GPHN: variants seen among roughly 807,000 people sequenced by gnomAD.
GPHN encodes gephyrin.
Under a neutral mutation model 95.5 loss-of-function variants are expected in GPHN, and 17 were observed. The ratio of observed to expected loss-of-function variants is 0.18; its 90% confidence interval spans 0.12 to 0.27. GPHN has a LOEUF of 0.27. Among genes scored for constraint, GPHN ranks in the 10% least tolerant of loss-of-function variants. GPHN has a pLI of 1.00. For missense variants in GPHN, 660 were observed against 978.1 expected (o/e 0.67, Z 4.34); for synonymous variants, 320 against 322.5 (o/e 0.99, Z 0.08).
the GPHN span, chr14:67,571,475 A>G: frequency 1.1e-5 from 4 of 367,676 alleles, no homozygotes; most frequent in Non-Finnish European, 2.0e-5. Flanking sequence ...CCCTAGTGGC[A>G]AGGAGCGAGG....
chr14:67,674,586 C>T, the GPHN span: 11 of 1,023,206 alleles, frequency 1.1e-5, no homozygotes, highest in Admixed American at 3.5e-5. Context: ...GCCATAACGG[C>T]GACCGCCGCA....
the GPHN span, chr14:67,674,253 G>A: frequency 7.9e-6 from 7 of 886,266 alleles, no homozygotes; most frequent in East Asian, 1.2e-4. Flanking sequence ...CAGCCCTAGG[G>A]GGCGTGTCTG....
intron 2 of GPHN, among the ~76,000 whole-genome samples, chr14:66,747,440 A>G (rs897457692): frequency 2.6e-5 from 4 of 152,148 alleles, no homozygotes; most frequent in Admixed American, 2.0e-4. Context: ...CAAGAACATC[A>G]TAAGAAGTTG....
intron 10 of GPHN, among the ~76,000 whole-genome samples, chr14:67,049,830 G>A (rs918950750): frequency 6.6e-6 from 1 of 152,060 alleles, no homozygotes; most frequent in East Asian, 1.9e-4. Flanking sequence ...TTTTTTATTG[G>A]CGAAGTAGCT....
chr14:67,097,510 C>T (rs919656265), intron 12 of GPHN, among the ~76,000 whole-genome samples: 3 of 151,468 alleles, frequency 2.0e-5, no homozygotes, highest in Non-Finnish European at 1.5e-5. Flanking sequence ...CCTCTCTCTC[C>T]CTCTCCTTCT....
chr14:67,445,190 G>C, the GPHN span, among the ~76,000 whole-genome samples: 1 of 152,176 alleles, frequency 6.6e-6, no homozygotes, highest in East Asian at 1.9e-4. Flanking sequence ...ATCATAAGTA[G>C]AGCAATTTCT....
chr14:66,515,082 A>T (rs148009556), intron 1 of GPHN, among the ~76,000 whole-genome samples: 20 of 152,218 alleles, frequency 1.3e-4, no homozygotes, highest in Admixed American at 2.6e-4. Flanking sequence ...TAGCATTTTC[A>T]GATGAGATAC....
intron 1 of GPHN, among the ~76,000 whole-genome samples, chr14:66,643,219 C>A (rs2064533028): frequency 6.6e-6 from 1 of 151,964 alleles, no homozygotes; most frequent in South Asian, 2.1e-4. Flanking sequence ...TTCTACACAC[C>A]CACCAGAGTG....
chr14:67,459,344 G>GT, the GPHN span, among the ~76,000 whole-genome samples: 3 of 152,172 alleles, frequency 2.0e-5, no homozygotes, highest in Admixed American at 1.3e-4. Context: ...TATATTATTG[G>GT]TTTTTAATGA....
At chr14:67,513,649 C>T in the GPHN span, among the ~76,000 whole-genome samples, 1 of 152,218 alleles carries the variant, frequency 6.6e-6, no homozygotes, top group South Asian at 2.1e-4. Flanking sequence ...CTGACAGGCC[C>T]ACCCTGGCCC....
At chr14:66,826,673 T>C (rs2061398516) in intron 4 of GPHN, among the ~76,000 whole-genome samples, 1 of 152,148 alleles carries the variant, frequency 6.6e-6, no homozygotes, top group Non-Finnish European at 1.5e-5. Flanking sequence ...CAGTTTACTA[T>C]AAAGGATACA....
the GPHN span, chr14:67,199,714 C>T: frequency 3.8e-6 from 6 of 1,583,228 alleles, no homozygotes; most frequent in Non-Finnish European, 5.2e-6. Flanking sequence ...CTCCTTCACC[C>T]TCTGCCCCCA....
chr14:67,573,464 AG>A, the GPHN span: 1 of 990,900 alleles, frequency 1.0e-6, no homozygotes, highest in Non-Finnish European at 1.6e-6. This position sits in a 1 kb window ranked among gnomAD's most constrained non-coding sequence, Gnocchi z 4.8. Context: ...GGGACGGAGG[AG>A]GGGGAATGTG....
At chr14:66,726,104 A>T (rs1415388632) in intron 2 of GPHN, among the ~76,000 whole-genome samples, 1 of 152,234 alleles carries the variant, frequency 6.6e-6, no homozygotes, top group Non-Finnish European at 1.5e-5. Flanking sequence ...TAAAATTAGA[A>T]TGCATAAATT....
At chr14:67,096,019 A>T (rs2077375293) in intron 12 of GPHN, among the ~76,000 whole-genome samples, 1 of 151,458 alleles carries the variant, frequency 6.6e-6, no homozygotes, top group Non-Finnish European at 1.5e-5. Flanking sequence ...TCCCAGCCCT[A>T]CTAAATTAGA....
chr14:66,968,722 A>G (rs1056782650), intron 9 of GPHN, among the ~76,000 whole-genome samples: 1 of 152,108 alleles, frequency 6.6e-6, no homozygotes, highest in Non-Finnish European at 1.5e-5. Context: ...TACCTCTACA[A>G]CAGTGTTTAT....
At chr14:66,749,523 A>C (rs2058289717) in intron 2 of GPHN, among the ~76,000 whole-genome samples, 1 of 151,942 alleles carries the variant, frequency 6.6e-6, no homozygotes, top group Non-Finnish European at 1.5e-5. Context: ...CAGTGTTCTG[A>C]ATATTGAACA....
chr14:67,316,947 T>G, the GPHN span: 27 of 1,484,182 alleles, frequency 1.8e-5, no homozygotes, highest in Non-Finnish European at 2.5e-5. Context: ...TTCTTGGGTC[T>G]TCATCTGGAG....
the GPHN span, chr14:67,586,097 G>A: frequency 1.2e-6 from 2 of 1,613,852 alleles, no homozygotes; most frequent in South Asian, 2.2e-5. Flanking sequence ...CTGCTCCCAA[G>A]GTAGGTCTGA....
Sources: gnomAD v4.1 joint callset for allele counts (sites outside exome capture counted in the v4.1 genomes callset) on GRCh38, gnomAD v4.1.1 for gene constraint, Gnocchi (gnomAD v3.1) non-coding constraint, MANE v1.5 for transcripts, NCBI Gene and HGNC (gene_info 2026-07-23, HGNC 2026-07-21) for gene names.